ABCA10: variants seen among roughly 807,000 people sequenced by gnomAD.
ABCA10 encodes the protein ATP binding cassette subfamily A member 10, also known as ATP-binding cassette sub-family A member 10.
Under a neutral mutation model 187.5 loss-of-function variants are expected in ABCA10, and 169 were observed. The ratio of observed to expected loss-of-function variants is 0.90; its 90% confidence interval spans 0.80 to 1.02. The LOEUF (loss-of-function observed/expected upper bound fraction) is 1.02. Among genes scored for constraint, ABCA10 ranks in the 50% least tolerant of loss-of-function variants. ABCA10 has a pLI of 0.00. For synonymous variants in ABCA10, 574 were observed against 601.8 expected (o/e 0.95, Z 0.68); for missense variants, 1,727 against 1,812.4 (o/e 0.95, Z 0.86).
chr17:69,185,160 G>A (rs182687866), intron 20 of ABCA10, among the ~76,000 whole-genome samples: 15 of 151,920 alleles, frequency 9.9e-5, no homozygotes, highest in Non-Finnish European at 1.6e-4. Flanking sequence ...AGGGTGGGAC[G>A]GGGTTGAGGG....
chr17:69,166,902 T>A (rs2074258386), intron 25 of ABCA10, among the ~76,000 whole-genome samples: 1 of 152,120 alleles, frequency 6.6e-6, no homozygotes, highest in African/African-American at 2.4e-5. Context: ...CACCAGGATT[T>A]AACGTAGAAA....
intron 21 of ABCA10, 42 bp from the exon 22 acceptor site, chr17:69,182,332 G>A: frequency 1.5e-6 from 2 of 1,301,014 alleles, no homozygotes; most frequent in Non-Finnish European, 2.0e-6. Flanking sequence ...AATTCTTATA[G>A]TAAATATATT....
chr17:69,165,033 G>A lies in ABCA10; in HGVS notation c.3213C>T (p.Leu1071=). Residue 1071 remains leucine, a synonymous_variant, in exon 26 of 39, where the codon CTC becomes CTT. Transcript: ENST00000690296. ...TGAAAATCATGCACAAAATTAAGTTGAGTTTTTCATATTGAGTTGATACCA... is the reference window on the plus strand; with the variant it reads ...TGAAAATCATGCACAAAATTAAGTTAAGTTTTTCATATTGAGTTGATACCA... ...TIMVSTQYEK[L]NLILCMIFIP... is the part of the protein sequence containing the mutation. 6.2e-7 allele frequency: 1 copy of A among 1,605,294 alleles called. No individual in the cohort carries two copies.
chr17:69,203,240 C>A (rs1289006508), intron 9 of ABCA10, among the ~76,000 whole-genome samples: 5 of 151,096 alleles, frequency 3.3e-5, no homozygotes, highest in Admixed American at 3.3e-4. Flanking sequence ...GTTGAACTAG[C>A]CAAAAAGAGA....
Position 69,187,815 on chromosome 17 carries a change from C to G in ABCA10, c.2196G>C (p.Met732Ile), listed in dbSNP as rs202097964. 1 of 1,613,872 alleles carries G rather than the reference C, an allele frequency of 6.2e-7. No individual in the cohort carries two copies. Among genetic ancestry groups the G allele is most frequent in the East Asian group, 2.2e-5 (1 of 44,870 alleles). ...VTRNTGDESE[M>I]EQVLCSLPET... ...CAGGAAGAGAACAAAGAACCTGTTCCATTTCAGACTCATCTCCAGTATTTC... is the reference window on the plus strand; with the variant it reads ...CAGGAAGAGAACAAAGAACCTGTTCGATTTCAGACTCATCTCCAGTATTTC... The change falls in exon 19 of 39, where the codon ATG (methionine) becomes ATC (isoleucine). Residue 732 changes from methionine to isoleucine, a missense_variant. Physicochemically the swap from Met to Ile is conservative, Grantham distance 10 (BLOSUM62 1). Transcript: ENST00000690296.
At chr17:69,194,852 A>C (rs2074486579) in intron 11 of ABCA10, among the ~76,000 whole-genome samples, 1 of 152,232 alleles carries the variant, frequency 6.6e-6, no homozygotes, top group Admixed American at 6.5e-5. Flanking sequence ...GTGGCTTAAG[A>C]AATTGTCTCC....
chr17:69,155,683 A>G (rs1434519558), intron 29 of ABCA10, 122 bp downstream of exon 29: 9 of 1,241,626 alleles, frequency 7.2e-6, no homozygotes, highest in African/African-American at 3.1e-5. Context: ...TTTGAATATA[A>G]GCTATAAATA....
At chr17:69,183,701 T>G (rs1328965018) in intron 20 of ABCA10, among the ~76,000 whole-genome samples, 1 of 152,040 alleles carries the variant, frequency 6.6e-6, no homozygotes, top group Non-Finnish European at 1.5e-5. Context: ...AGGAACCCTG[T>G]GGGCACTCTC....
chr17:69,214,378 A>G (rs969390142), intron 9 of ABCA10, among the ~76,000 whole-genome samples: 3 of 150,404 alleles, frequency 2.0e-5, no homozygotes, highest in Admixed American at 6.6e-5. Flanking sequence ...AGCTGGGCGT[A>G]GTGGCGGGCG....
intron 27 of ABCA10, among the ~76,000 whole-genome samples, chr17:69,157,747 CA>C (rs1197247266): frequency 6.6e-6 from 1 of 151,738 alleles, no homozygotes; most frequent in African/African-American, 2.4e-5. Flanking sequence ...CTTTTCAAAA[CA>C]GTTGTCTCAA....
At chr17:69,160,985 G>A (rs773795470) in intron 27 of ABCA10, among the ~76,000 whole-genome samples, 2 of 152,188 alleles carry the variant, frequency 1.3e-5, no homozygotes, top group Non-Finnish European at 2.9e-5. Context: ...CAATAGCCAA[G>A]AGGTAGAAGT....
At chr17:69,230,525 G>A (rs549563506), upstream of ABCA10, among the ~76,000 whole-genome samples, 2 of 152,072 alleles carry the variant, frequency 1.3e-5, no homozygotes, top group East Asian at 3.9e-4. Context: ...ATACAGTTCT[G>A]CTACAGAGTC....
At chr17:69,222,065 AC>A (rs1051286652) in intron 4 of ABCA10, among the ~76,000 whole-genome samples, 170 bp from the exon 5 acceptor site, 41 of 152,336 alleles carry the variant, frequency 2.7e-4, no homozygotes, top group African/African-American at 9.6e-4. Context: ...GAAAAAAAGA[AC>A]ATATGATGGC....
intron 36 of ABCA10, chr17:69,150,387 C>T (rs1191177970): frequency 5.2e-6 from 1 of 193,332 alleles, no homozygotes; most frequent in African/African-American, 2.4e-5. Context: ...GTTTACATTA[C>T]CTTTCCCCTC....
chr17:69,205,102 T>C, intron 9 of ABCA10, among the ~76,000 whole-genome samples: 1 of 152,160 alleles, frequency 6.6e-6, no homozygotes, highest in African/African-American at 2.4e-5. Flanking sequence ...CACTCCAGCC[T>C]GGGTGACACA....
chr17:69,205,155 A>T (rs914857986), intron 9 of ABCA10, among the ~76,000 whole-genome samples: 1 of 152,164 alleles, frequency 6.6e-6, no homozygotes, highest in South Asian at 2.1e-4. Context: ...AATTAGATTT[A>T]AAAATACGTA....
intron 1 of ABCA10, among the ~76,000 whole-genome samples, chr17:69,242,797 A>G (rs1353328474): frequency 6.6e-6 from 1 of 152,220 alleles, no homozygotes; most frequent in African/African-American, 2.4e-5. Flanking sequence ...GTCACAACAC[A>G]GAAGCTGGAA....
In ABCA10 at chr17:69,240,364, A is replaced by G. The variant is rs117418616; in HGVS notation, c.-593+4165T>C. On this transcript the variant is annotated intron_variant, in intron 1 of 39. Transcript: ENST00000269081. ...TTAGTTTGCTAAGGCTGCCCTAGGG[A>G]GTTGAAAAGTGTGACCCGTTTGATG... Among the ~76,000 whole-genome samples, 245 of 152,278 alleles carry G rather than the reference A, an allele frequency of 1.6e-3. 9 individuals are homozygous for G. In the East Asian group the frequency reaches 0.038, roughly 24 times the overall value.
chr17:69,173,511 A>G (rs1184836770), intron 25 of ABCA10, among the ~76,000 whole-genome samples: 2 of 152,136 alleles, frequency 1.3e-5, no homozygotes, highest in Non-Finnish European at 2.9e-5. Context: ...GAAGAAGAAA[A>G]AAAGAGAGAG....
Sources: allele counts gnomAD v4.1 joint callset (sites outside exome capture counted in the v4.1 genomes callset), GRCh38; gene constraint gnomAD v4.1.1; transcripts MANE v1.5; gene names NCBI Gene and HGNC (gene_info 2026-07-23, HGNC 2026-07-21).